LARP1B: variants seen among roughly 807,000 people sequenced by gnomAD.
The protein encoded by LARP1B is La ribonucleoprotein 1B, also known as la-related protein 1B.
A neutral mutation model predicts 114.2 loss-of-function variants in LARP1B; 76 were observed. The ratio of observed to expected loss-of-function variants is 0.67; its 90% confidence interval spans 0.55 to 0.81. LARP1B has a LOEUF of 0.81. Among genes scored for constraint, LARP1B ranks in the 30% least tolerant of loss-of-function variants. The pLI is 0.00. For synonymous variants in LARP1B, 345 were observed against 348.0 expected (o/e 0.99, Z 0.10); for missense variants, 1,014 against 1,075.8 (o/e 0.94, Z 0.80).
chr4:128,176,275 G>T (rs1341729557), intron 12 of LARP1B, among the ~76,000 whole-genome samples: 1 of 112,936 alleles, frequency 8.9e-6, no homozygotes, highest in Admixed American at 8.6e-5. Context: ...ACATATGTGT[G>T]TGTGTGTGTG....
rs547511654 is a variant in LARP1B, at chr4:128,205,308, C to T, written c.2310-1120C>T. ...AGGTTGTAACCTTTCTGCTGAGGTACCCAGAATGACTTAGGATTCTAACTT... is the reference window on the plus strand; with the variant it reads ...AGGTTGTAACCTTTCTGCTGAGGTATCCAGAATGACTTAGGATTCTAACTT... On this transcript the variant is annotated intron_variant, in intron 17 of 19. Transcript: ENST00000326639. Among the ~76,000 whole-genome samples the T allele has an allele frequency of 5.3e-5, 8 of 152,182 alleles. No homozygotes were observed. In the South Asian group the frequency reaches 1.7e-3, roughly 31 times the overall value.
downstream of LARP1B, among the ~76,000 whole-genome samples, chr4:128,213,469 G>A (rs940950622): frequency 2.0e-5 from 3 of 152,038 alleles, no homozygotes; most frequent in African/African-American, 7.2e-5. Context: ...TTTTGCTTAT[G>A]TATGCTTGAC....
intron 1 of LARP1B, among the ~76,000 whole-genome samples, chr4:128,073,432 A>G (rs1364942017): frequency 6.8e-6 from 1 of 147,892 alleles, no homozygotes; most frequent in East Asian, 2.0e-4. Context: ...AAAAAAAAAA[A>G]AAAAAAAAAA....
At chr4:128,109,717 T>C (rs549294319) in intron 9 of LARP1B, among the ~76,000 whole-genome samples, 26 of 152,134 alleles carry the variant, frequency 1.7e-4, no homozygotes, top group Admixed American at 8.5e-4. Context: ...CTTTTCTTTT[T>C]TTTTTCCCCT....
intron 9 of LARP1B, among the ~76,000 whole-genome samples, chr4:128,113,404 A>G (rs1330321344): frequency 1.4e-5 from 2 of 144,136 alleles, no homozygotes; most frequent in African/African-American, 5.2e-5. Flanking sequence ...GCTGGAGCGC[A>G]GATCTTAGCT....
intron 7 of LARP1B, among the ~76,000 whole-genome samples, chr4:128,093,285 TC>T (rs1423510684): frequency 6.6e-6 from 1 of 152,174 alleles, no homozygotes. Context: ...GTTTTGATTT[TC>T]TTTTTGAGAA....
intron 12 of LARP1B, among the ~76,000 whole-genome samples, chr4:128,166,226 G>T (rs917638241): frequency 6.6e-6 from 1 of 151,662 alleles, no homozygotes; most frequent in Non-Finnish European, 1.5e-5. Flanking sequence ...AGGTCAAAAC[G>T]TTTGTGTCAT....
chr4:128,216,840 AT>A (rs1275434113), downstream of LARP1B, among the ~76,000 whole-genome samples: 1 of 152,242 alleles, frequency 6.6e-6, no homozygotes, highest in Non-Finnish European at 1.5e-5. Context: ...CCTTCAAAAA[AT>A]CAGTGAATCC....
At chr4:128,119,653 C>G (rs980846093) in intron 10 of LARP1B, among the ~76,000 whole-genome samples, 4 of 152,190 alleles carry the variant, frequency 2.6e-5, no homozygotes, top group Admixed American at 2.6e-4. Flanking sequence ...TTTCTAGAAC[C>G]CTGGCGGGAT....
chr4:128,065,260 T>A lies in LARP1B; in HGVS notation c.-78+3859T>A, dbSNP rs1314056467. ...ACTGTTCTCCCACAATTAATTTCTT[T>A]CTTTCTTTCTTTCTTTCTTTCTTTC... is the stretch of plus-strand genomic sequence containing the variant. On this transcript the variant is annotated intron_variant, in intron 1 of 19. Transcript: ENST00000326639. 1.9e-4 allele frequency among the ~76,000 whole-genome samples: 13 copies of A among 68,518 alleles called. No individual in the cohort carries two copies. In the East Asian group the frequency reaches 4.8e-3, roughly 26 times the overall value. 45.0% of individuals were successfully genotyped at this position (68,518 alleles called of 152,430 possible).
chr4:128,067,028 G>A (rs768529399), intron 1 of LARP1B, among the ~76,000 whole-genome samples: 5 of 151,360 alleles, frequency 3.3e-5, no homozygotes, highest in African/African-American at 4.9e-5. Context: ...GGCTGGTCTC[G>A]AGCTCCTGAC....
intron 18 of LARP1B, 174 bp downstream of exon 18, chr4:128,206,711 C>A: frequency 1.0e-6 from 1 of 985,354 alleles, no homozygotes; most frequent in Non-Finnish European, 1.2e-6. Context: ...GAAGGCCTTT[C>A]CTGGGAGGTG....
At chr4:128,198,294 G>A (rs1380453252) in intron 15 of LARP1B, among the ~76,000 whole-genome samples, 1 of 152,122 alleles carries the variant, frequency 6.6e-6, no homozygotes, top group Non-Finnish European at 1.5e-5. Context: ...GTTCTTAAGT[G>A]TACAACTCAG....
intron 11 of LARP1B, among the ~76,000 whole-genome samples, chr4:128,146,259 G>A (rs1448259929): frequency 6.6e-6 from 1 of 152,068 alleles, no homozygotes; most frequent in East Asian, 1.9e-4. Flanking sequence ...TATATGTTTT[G>A]TATACAGTGG....
intron 15 of LARP1B, among the ~76,000 whole-genome samples, chr4:128,194,453 C>T (rs1247716339): frequency 6.7e-6 from 1 of 148,790 alleles, no homozygotes; most frequent in Non-Finnish European, 1.5e-5. Flanking sequence ...GAGGCCGAGG[C>T]GGGCGGATCA....
At chr4:128,184,585 A>C (rs1372777448) in intron 15 of LARP1B, among the ~76,000 whole-genome samples, 1 of 152,078 alleles carries the variant, frequency 6.6e-6, no homozygotes, top group African/African-American at 2.4e-5. Flanking sequence ...TTTTCTTTTT[A>C]AGATCTTTTT....
intron 11 of LARP1B, among the ~76,000 whole-genome samples, chr4:128,128,594 A>G (rs548087761): frequency 6.6e-6 from 1 of 152,312 alleles, no homozygotes; most frequent in South Asian, 2.1e-4. Context: ...TAAAAAACAG[A>G]ATGGCTCACT....
rs140379652 is a variant in LARP1B at position 128,194,135 on chromosome 4, C to T, written c.2004-5304C>T. Among the ~76,000 whole-genome samples the T allele has an allele frequency of 3.4e-3, 519 of 151,248 alleles. 12 individuals carry two copies. In the East Asian group the frequency reaches 0.056, roughly 16 times the overall value. ...TCGCCCAGGCTGGAGTGCAATGGCA[C>T]GATCTCAGCTCACTGCAACCTCCAC... On this transcript the variant is annotated intron_variant, in intron 15 of 19. Coordinates refer to ENST00000326639, the MANE Select transcript of LARP1B (RefSeq NM_018078.4).
intron 10 of LARP1B, among the ~76,000 whole-genome samples, chr4:128,118,688 A>T (rs1786855998): frequency 1.3e-5 from 2 of 151,980 alleles, no homozygotes; most frequent in South Asian, 4.1e-4. Flanking sequence ...TTGGGTGTTT[A>T]AAAAAAGTTC....
Sources: allele counts gnomAD v4.1 joint callset (sites outside exome capture counted in the v4.1 genomes callset), GRCh38; gene constraint gnomAD v4.1.1; transcripts MANE v1.5; gene names NCBI Gene and HGNC (gene_info 2026-07-23, HGNC 2026-07-21).